RRBP1: variants seen among roughly 807,000 people sequenced by gnomAD.
RRBP1 encodes ribosome-binding protein 1.
Under a neutral mutation model 165.2 loss-of-function variants are expected in RRBP1, and 94 were observed. That is an observed-to-expected ratio of 0.57 (90% CI 0.48 to 0.68). The LOEUF (loss-of-function observed/expected upper bound fraction) is 0.68. Ranked by LOEUF, RRBP1 falls within the 30% of genes least tolerant of loss-of-function variation. RRBP1 has a pLI of 0.00. For missense variants in RRBP1, 1,676 were observed against 1,763.0 expected, an observed-to-expected ratio of 0.95 and a Z score of 0.88; for synonymous variants, 680 against 714.5, an observed-to-expected ratio of 0.95 and a Z score of 0.77.
At chr20:17,635,238 C>T (rs560551175) in intron 7 of RRBP1, among the ~76,000 whole-genome samples, 9 of 152,282 alleles carry the variant, frequency 5.9e-5, no homozygotes, top group Admixed American at 3.9e-4. Flanking sequence ...ATGAGAACCC[C>T]GCTAGGCAGG....
chr20:17,613,983 G>C lies in RRBP1; in HGVS notation c.*199C>G. ...GCGCCCAGGATAGTGTTTATCAAAT[G>C]TGACACAGGTTCATTTACAAACTGG... On this transcript the variant is annotated 3_prime_UTR_variant, in exon 25 of 25. Coordinates refer to ENST00000377813, the MANE Select transcript of RRBP1 (RefSeq NM_001365613.2). 1 of 604,162 alleles carries C rather than the reference G, an allele frequency of 1.7e-6. No individual in the cohort carries two copies. The highest frequency in any genetic ancestry group is 3.0e-6 in the Non-Finnish European group (1 of 335,418). The allele number at this position is 604,162 out of a possible 1,614,324, so 37.4% of individuals were successfully genotyped here. A position where few individuals can be genotyped will look rare whatever the true frequency, so the allele number is the denominator to read the frequency against.
intron 2 of RRBP1, among the ~76,000 whole-genome samples, chr20:17,663,892 T>G (rs553266218): frequency 6.6e-6 from 1 of 152,318 alleles, no homozygotes; most frequent in South Asian, 2.1e-4. Context: ...GGGATCTATA[T>G]TCTGTCAATT....
Position 17,631,827 on chromosome 20 carries a change from G to GC in RRBP1, c.2610+1632dup, listed in dbSNP as rs2036155843. Among the ~76,000 whole-genome samples the GC allele has an allele frequency of 2.0e-5, 3 of 152,240 alleles. No individual in the cohort carries two copies. In the South Asian group the frequency reaches 6.2e-4, roughly 31 times the overall value. The stretch of plus-strand genomic sequence containing the variant: ...TGCAGAGCTGGCTGGCAGTGAAGGG[G>GC]CCTCAGGTGAAGGCAGGACAGTCAC... On this transcript the variant is annotated intron_variant, in intron 8 of 24. Coordinates refer to ENST00000377813, the MANE Select transcript of RRBP1 (RefSeq NM_001365613.2).
intron 4 of RRBP1, 28 bp from the exon 5 acceptor site, chr20:17,641,947 G>A (rs1374548033): frequency 2.5e-6 from 4 of 1,604,342 alleles, no homozygotes; most frequent in Admixed American, 1.7e-5. Flanking sequence ...TGCGTTAACA[G>A]AGGGGACAAA....
chr20:17,647,127 G>C (rs2036479131), intron 3 of RRBP1, among the ~76,000 whole-genome samples: 1 of 152,242 alleles, frequency 6.6e-6, no homozygotes, highest in African/African-American at 2.4e-5. Context: ...GCCCTGATCA[G>C]GGCAGGCAGG....
intron 1 of RRBP1, 111 bp downstream of exon 1, chr20:17,681,917 G>C (rs2037200098): frequency 6.8e-6 from 1 of 146,838 alleles, no homozygotes; most frequent in Non-Finnish European, 1.5e-5. Flanking sequence ...GGGCGGGCCG[G>C]GGGAGGGGCC....
rs2035740278 is a variant in RRBP1 at position 17,613,934 on chromosome 20, G to A, written c.*248C>T. The A allele has an allele frequency of 4.2e-6, 2 of 481,158 alleles. No homozygotes were observed. Among genetic ancestry groups the A allele is most frequent in the African/African-American group, 1.9e-5 (1 of 51,712 alleles). 29.8% of individuals were successfully genotyped at this position (481,158 alleles called of 1,614,324 possible). On this transcript the variant is annotated 3_prime_UTR_variant, in exon 25 of 25. Coordinates refer to ENST00000377813, the MANE Select transcript of RRBP1 (RefSeq NM_001365613.2). ...TGTCAGAGTCAACCAGGGCTTTGGC[G>A]TCACTCGGCGGTGGCCCGGGGCTGC...
At chr20:17,646,241 C>G (rs1018046556) in intron 3 of RRBP1, among the ~76,000 whole-genome samples, 2 of 152,192 alleles carry the variant, frequency 1.3e-5, no homozygotes, top group African/African-American at 4.8e-5. Flanking sequence ...TGCCCAAGAG[C>G]CTGGAAACGA....
chr20:17,626,083 G>A lies in RRBP1; in HGVS notation c.2964-481C>T, dbSNP rs943630085. Among the ~76,000 whole-genome samples, 5 of 152,276 alleles carry A rather than the reference G, an allele frequency of 3.3e-5. No individual in the cohort carries two copies. The East Asian group carries it at 9.7e-4, about 29-fold the overall frequency. On this transcript the variant is annotated intron_variant, in intron 11 of 24. Coordinates refer to ENST00000377813, the MANE Select transcript of RRBP1 (RefSeq NM_001365613.2). ...CACTGCCCGAATTCTAGAATATCTG[G>A]GGCTGAATCGCTCCTCTCTACTCCA... is the stretch of plus-strand genomic sequence containing the variant.
intron 1 of RRBP1, among the ~76,000 whole-genome samples, chr20:17,681,001 A>T (rs754292955): frequency 6.6e-6 from 1 of 151,996 alleles, no homozygotes; most frequent in African/African-American, 2.4e-5. Context: ...GCGACTTATC[A>T]TTCGGAGAGG....
chr20:17,623,495 A>G (rs915924420), intron 13 of RRBP1, among the ~76,000 whole-genome samples: 3 of 152,154 alleles, frequency 2.0e-5, no homozygotes, highest in Non-Finnish European at 4.4e-5. Flanking sequence ...TGGACAGCCC[A>G]GCACCCCAAA....
intron 2 of RRBP1, among the ~76,000 whole-genome samples, chr20:17,676,364 G>T (rs1017179907): frequency 6.6e-6 from 1 of 152,178 alleles, no homozygotes; most frequent in Non-Finnish European, 1.5e-5. Flanking sequence ...ATAAACCGAG[G>T]TTTGTGGCCT....
intron 3 of RRBP1, among the ~76,000 whole-genome samples, chr20:17,657,711 C>A (rs2036670452): frequency 6.6e-6 from 1 of 152,142 alleles, no homozygotes; most frequent in Non-Finnish European, 1.5e-5. Context: ...CCAATTTCTA[C>A]AGTAATATAC....
Position 17,620,827 on chromosome 20 carries a change from A to C in RRBP1, c.3415-20T>G. 1 of 1,579,280 alleles carries C rather than the reference A, an allele frequency of 6.3e-7. No individual in the cohort carries two copies. The highest frequency in any genetic ancestry group is 8.6e-7 in the Non-Finnish European group (1 of 1,158,752). Reference sequence around the variant, plus strand: ...GCCCTCCTGGGGGGAAACCGAGGTGAGGCAGGGCCCTCTCCCTCCCGAGAC... The same window carrying C: ...GCCCTCCTGGGGGGAAACCGAGGTGCGGCAGGGCCCTCTCCCTCCCGAGAC... On this transcript the variant is annotated intron_variant, in intron 16 of 24. Coordinates refer to ENST00000377813, the MANE Select transcript of RRBP1 (RefSeq NM_001365613.2).
At chr20:17,630,017 C>G in intron 8 of RRBP1, 56 bp from the exon 9 acceptor site, 2 of 1,551,222 alleles carry the variant, frequency 1.3e-6, no homozygotes, top group South Asian at 1.1e-5. Context: ...AGGCCCTCAG[C>G]GGCTCTGCGG....
intron 3 of RRBP1, among the ~76,000 whole-genome samples, chr20:17,646,179 G>C (rs2036458740): frequency 6.6e-6 from 1 of 152,194 alleles, no homozygotes; most frequent in African/African-American, 2.4e-5. Flanking sequence ...TTCACCTCCA[G>C]GTGATAGCTG....
At chr20:17,641,739 C>CG (rs1378642127) in intron 5 of RRBP1, 58 bp downstream of exon 5, 2 of 1,599,082 alleles carry the variant, frequency 1.3e-6, no homozygotes, top group Non-Finnish European at 1.7e-6. Flanking sequence ...GTGGATGGGG[C>CG]GGGGGTCCTC....
At chr20:17,630,384 G>A (rs990663376) in intron 8 of RRBP1, among the ~76,000 whole-genome samples, 2 of 152,182 alleles carry the variant, frequency 1.3e-5, no homozygotes, top group Non-Finnish European at 2.9e-5. Flanking sequence ...ACACACGCAC[G>A]GTGCACCACT....
At chr20:17,661,374 A>G (rs1416308352) in intron 2 of RRBP1, among the ~76,000 whole-genome samples, 3 of 152,236 alleles carry the variant, frequency 2.0e-5, no homozygotes, top group Admixed American at 1.3e-4. Context: ...AGAAGATGCC[A>G]GGTTTGGAAT....
Sources: allele counts gnomAD v4.1 joint callset (sites outside exome capture counted in the v4.1 genomes callset), GRCh38; gene constraint gnomAD v4.1.1; transcripts MANE v1.5; gene names NCBI Gene and HGNC (gene_info 2026-07-23, HGNC 2026-07-21).